The following LRRC3B variants were observed in gnomAD, a reference collection of about 807,000 sequenced individuals.
The protein encoded by LRRC3B is leucine-rich repeat-containing protein 3B.
A neutral mutation model predicts 12.8 loss-of-function variants in LRRC3B; 2 were observed. That is an observed-to-expected ratio of 0.16 (90% CI 0.06 to 0.49). The LOEUF is 0.49. Among genes scored for constraint, LRRC3B ranks in the 20% least tolerant of loss-of-function variants. The pLI is 0.96. For synonymous variants in LRRC3B, 132 were observed against 122.0 expected (o/e 1.08, Z -0.54); for missense variants, 189 against 319.4 (o/e 0.59, Z 3.11).
intron 1 of LRRC3B, among the ~76,000 whole-genome samples, chr3:26,666,320 A>G (rs563011152): frequency 6.6e-6 from 1 of 152,140 alleles, no homozygotes; most frequent in Non-Finnish European, 1.5e-5. Flanking sequence ...CAAATTTATG[A>G]AAGTTTATTA....
chr3:26,704,886 A>ATCTT (rs1419666200), intron 1 of LRRC3B, among the ~76,000 whole-genome samples: 24 of 152,302 alleles, frequency 1.6e-4, no homozygotes, highest in African/African-American at 5.8e-4. Flanking sequence ...TTTGAATTTT[A>ATCTT]TCTTTTAAAT....
rs547259486 is a variant in LRRC3B at position 26,702,379 on chromosome 3, T to C, written c.-160-7134T>C. On this transcript the variant is annotated intron_variant, in intron 1 of 1. Coordinates refer to ENST00000396641, the Ensembl canonical transcript of LRRC3B. ...ATCCTTGACTAAAGGATCACAGCTG[T>C]TGTTATTAATGAGCCACCTAAATGG... Among the ~76,000 whole-genome samples, 5 of 152,316 alleles carry C rather than the reference T, an allele frequency of 3.3e-5. No homozygotes were observed. In the South Asian group the frequency reaches 1.0e-3, roughly 32 times the overall value.
intron 1 of LRRC3B, among the ~76,000 whole-genome samples, chr3:26,646,625 A>AC: frequency 9.1e-6 from 1 of 109,428 alleles, no homozygotes. Flanking sequence ...AAAAAAAAAA[A>AC]AAAAAAAAAA....
chr3:26,627,942 T>C (rs995253036), intron 1 of LRRC3B, among the ~76,000 whole-genome samples: 18 of 152,164 alleles, frequency 1.2e-4, no homozygotes, highest in African/African-American at 4.1e-4. Context: ...AAATGGTCTA[T>C]GTCCTAGGAA....
At chr3:26,663,168 G>C (rs1464633988) in intron 1 of LRRC3B, among the ~76,000 whole-genome samples, 1 of 151,920 alleles carries the variant, frequency 6.6e-6, no homozygotes, top group African/African-American at 2.4e-5. Flanking sequence ...TCCTTTTTTT[G>C]TAGCCAGCTT....
At chr3:26,631,670 T>C (rs1698760218) in intron 1 of LRRC3B, among the ~76,000 whole-genome samples, 1 of 152,166 alleles carries the variant, frequency 6.6e-6, no homozygotes, top group Non-Finnish European at 1.5e-5. Flanking sequence ...AAGAAAACTC[T>C]TCTAAGAAAG....
chr3:26,669,353 G>A (rs1034950711), intron 1 of LRRC3B, among the ~76,000 whole-genome samples: 1 of 152,028 alleles, frequency 6.6e-6, no homozygotes, highest in Non-Finnish European at 1.5e-5. Context: ...CTTTCATTAC[G>A]ATGGAGTGAA....
intron 1 of LRRC3B, among the ~76,000 whole-genome samples, chr3:26,694,941 G>A (rs558548573): frequency 1.2e-4 from 19 of 152,100 alleles, no homozygotes; most frequent in Non-Finnish European, 2.2e-4. Context: ...AAGGTAAAAA[G>A]TAAAAATTCT....
intron 1 of LRRC3B, among the ~76,000 whole-genome samples, chr3:26,671,373 T>TATATAGAGAGAG (rs1261897533): frequency 8.1e-4 from 23 of 28,248 alleles, no homozygotes; most frequent in Middle Eastern, 0.056. Context: ...TATATATATA[T>TATATAGAGAGAG]AGAGAGAGAG....
chr3:26,705,420 G>A (rs1224334795), intron 1 of LRRC3B, among the ~76,000 whole-genome samples: 3 of 152,002 alleles, frequency 2.0e-5, no homozygotes, highest in East Asian at 1.9e-4. Context: ...CCAGTGAGTC[G>A]AGATTTGCAG....
chr3:26,645,768 G>GA (rs150686058), intron 1 of LRRC3B, among the ~76,000 whole-genome samples: 5,712 of 151,896 alleles, frequency 0.038, 165 homozygotes, highest in Non-Finnish European at 0.051. Context: ...TCTTGTAATG[G>GA]AAAAAAAATT....
intron 1 of LRRC3B, among the ~76,000 whole-genome samples, chr3:26,649,988 A>G (rs935038829): frequency 3.9e-4 from 59 of 152,314 alleles, no homozygotes; most frequent in African/African-American, 1.3e-3. Flanking sequence ...ACAAACACAA[A>G]TACAGAAGTT....
At chr3:26,625,692 A>C (rs1468636999) in intron 1 of LRRC3B, among the ~76,000 whole-genome samples, 1 of 152,148 alleles carries the variant, frequency 6.6e-6, no homozygotes, top group Non-Finnish European at 1.5e-5. Context: ...AATCCACACC[A>C]AGGTGGATTT....
At chr3:26,701,320 G>T (rs990250211) in intron 1 of LRRC3B, 17 of 152,038 alleles carry the variant, frequency 1.1e-4, no homozygotes, top group African/African-American at 4.1e-4. Flanking sequence ...GGTGGCAGCT[G>T]CTCAGGAGGT....
intron 1 of LRRC3B, among the ~76,000 whole-genome samples, chr3:26,696,090 A>G (rs1035107232): frequency 5.3e-5 from 8 of 152,244 alleles, no homozygotes; most frequent in African/African-American, 1.9e-4. Context: ...GACAACCTAA[A>G]TATCTAACAA....
chr3:26,640,424 A>C (rs1255796627), intron 1 of LRRC3B, among the ~76,000 whole-genome samples: 2 of 68,930 alleles, frequency 2.9e-5, no homozygotes, highest in Non-Finnish European at 5.5e-5. Context: ...TGCCTTATAA[A>C]CTAAAAAAAA....
chr3:26,666,986 C>T (rs996782912), intron 1 of LRRC3B, among the ~76,000 whole-genome samples: 7 of 152,082 alleles, frequency 4.6e-5, no homozygotes, highest in Non-Finnish European at 8.8e-5. Flanking sequence ...TAACAACTAA[C>T]AACTTTTGCC....
intron 1 of LRRC3B, among the ~76,000 whole-genome samples, chr3:26,686,237 G>A (rs373759739): frequency 4.6e-5 from 7 of 151,964 alleles, no homozygotes; most frequent in African/African-American, 1.5e-4. Flanking sequence ...CCGCCACCAC[G>A]CCCGGCTAAT....
intron 1 of LRRC3B, among the ~76,000 whole-genome samples, chr3:26,670,529 C>T (rs1699698070): frequency 1.3e-5 from 2 of 152,092 alleles, no homozygotes; most frequent in South Asian, 4.1e-4. Flanking sequence ...AAGGATATTA[C>T]TAGGTTGTTT....
Sources: gnomAD v4.1 joint callset for allele counts (sites outside exome capture counted in the v4.1 genomes callset) on GRCh38, gnomAD v4.1.1 for gene constraint, MANE v1.5 for transcripts, NCBI Gene and HGNC (gene_info 2026-07-23, HGNC 2026-07-21) for gene names.